Variants in CNKSR1 observed in about 807,000 individuals in gnomAD.
The protein encoded by CNKSR1 is connector enhancer of kinase suppressor of Ras 1.
CNKSR1 carries 88 observed loss-of-function variants against 95.6 expected under a neutral mutation model. The observed-to-expected ratio is 0.92, with a 90% CI of 0.78 to 1.10. The LOEUF (loss-of-function observed/expected upper bound fraction) is 1.10. Among genes scored for constraint, CNKSR1 ranks in the 50% least tolerant of loss-of-function variants. The probability of loss-of-function intolerance (pLI) is 0.00; values close to 1 mark genes in which losing one functional copy is unlikely to be tolerated. For synonymous variants in CNKSR1, 355 were observed against 369.7 expected, an observed-to-expected ratio of 0.96 and a Z score of 0.46; for missense variants, 836 against 912.0, an observed-to-expected ratio of 0.92 and a Z score of 1.07.
intron 3 of CNKSR1, chr1:26,181,547 A>G (rs148010498): frequency 3.2e-6 from 1 of 313,190 alleles, no homozygotes; most frequent in East Asian, 7.6e-5. Flanking sequence ...AATAAATAAT[A>G]ACTTATTATA....
chr1:26,182,766 G>A (rs908571182), intron 6 of CNKSR1, among the ~76,000 whole-genome samples, 182 bp downstream of exon 6: 5 of 152,210 alleles, frequency 3.3e-5, no homozygotes, highest in African/African-American at 1.2e-4. Flanking sequence ...CACCTCCCCA[G>A]TCCTGAGGGG....
intron 8 of CNKSR1, 141 bp from the exon 9 acceptor site, chr1:26,183,588 C>A: frequency 1.0e-6 from 1 of 996,080 alleles, no homozygotes; most frequent in Non-Finnish European, 1.6e-6. Flanking sequence ...TGATGGGGCC[C>A]ATGGAAGCCC....
rs565213360 is a variant in CNKSR1 at position 26,183,780 on chromosome 1, G to C, written c.805G>C (p.Gly269Arg). Reference protein sequence around the residue: ...MVRELLREPAGLSLVLKKIPI... With the variant: ...MVRELLREPARLSLVLKKIPI... Reference sequence around the variant, plus strand: ...GAGGGAACTGCTGCGGGAGCCAGCCGGACTCAGCTTAGTGCTGAAGAAGAT... The same window carrying C: ...GAGGGAACTGCTGCGGGAGCCAGCCCGACTCAGCTTAGTGCTGAAGAAGAT... The change falls in exon 9 of 21, where the codon GGA (glycine) becomes CGA (arginine). Residue 269 changes from glycine to arginine, a missense_variant. Physicochemically the swap from Gly to Arg is moderately radical, Grantham distance 125. Coordinates refer to ENST00000361530, the MANE Select transcript of CNKSR1 (RefSeq NM_006314.3). The C allele has an allele frequency of 6.2e-7, 1 of 1,613,576 alleles. No individual in the cohort carries two copies. The highest frequency in any genetic ancestry group is 8.5e-7 in the Non-Finnish European group (1 of 1,179,744).
intron 1 of CNKSR1, 63 bp downstream of exon 1, chr1:26,177,662 C>T (rs1035945891): frequency 3.2e-5 from 51 of 1,587,706 alleles, no homozygotes; most frequent in Non-Finnish European, 4.0e-5. Flanking sequence ...CACCGGGAAG[C>T]GGGAGGAGAG....
At chr1:26,188,346 C>A (rs1411910533) in intron 17 of CNKSR1, 39 bp downstream of exon 17, 2 of 1,612,186 alleles carry the variant, frequency 1.2e-6, no homozygotes, top group Non-Finnish European at 8.5e-7. Flanking sequence ...GAACCCTCAC[C>A]TGAGCCTGTG....
chr1:26,188,982 G>A, intron 20 of CNKSR1, 29 bp downstream of exon 20: 1 of 1,609,474 alleles, frequency 6.2e-7, no homozygotes, highest in South Asian at 1.1e-5. Flanking sequence ...GGCACAGCAA[G>A]GGACTAGGCT....
At chr1:26,185,960 T>G (rs1013311357) in intron 14 of CNKSR1, among the ~76,000 whole-genome samples, 2 of 152,208 alleles carry the variant, frequency 1.3e-5, no homozygotes, top group Non-Finnish European at 2.9e-5. Context: ...AGCTCTAGGC[T>G]GGGCACTATG....
intron 4 of CNKSR1, 170 bp downstream of exon 4, chr1:26,182,111 T>TAG: frequency 1.3e-6 from 1 of 764,514 alleles, no homozygotes; most frequent in Non-Finnish European, 2.2e-6. Context: ...TGGGGTCCCC[T>TAG]AGCTGGCAGG....
chr1:26,187,603 TACTC>T (rs977695103), intron 16 of CNKSR1, 121 bp downstream of exon 16: 3 of 850,236 alleles, frequency 3.5e-6, no homozygotes, highest in Non-Finnish European at 5.8e-6. Flanking sequence ...TTGGTCAAGA[TACTC>T]ACTTCTCTTT....
chr1:26,177,498 G>A lies in CNKSR1; in HGVS notation c.-50G>A, dbSNP rs199971673. 3.2e-5 allele frequency: 51 copies of A among 1,610,812 alleles called. No homozygotes were observed. Among genetic ancestry groups the A allele is most frequent in the Admixed American group, 1.5e-4 (9 of 59,658 alleles). ...CCTGGGCTCTGGGAGCGGAAATTCC[G>A]GCGACAGCAGGGCAAAACAGGAGCT... is the stretch of plus-strand genomic sequence containing the variant. On this transcript the variant is annotated 5_prime_UTR_variant, in exon 1 of 21. Coordinates refer to ENST00000361530, the MANE Select transcript of CNKSR1 (RefSeq NM_006314.3).
chr1:26,187,824 T>C (rs2088782358), intron 16 of CNKSR1, among the ~76,000 whole-genome samples: 1 of 152,020 alleles, frequency 6.6e-6, no homozygotes, highest in Non-Finnish European at 1.5e-5. Flanking sequence ...GGTTTCACTA[T>C]GTTGGCCAGG....
chr1:26,184,139 C>T lies in CNKSR1; in HGVS notation c.924C>T (p.Pro308=). ...SPSLSLAPLS[P]RAPSEDVFAF... is the part of the protein sequence containing the mutation. ...CACTGTCTCTGGCCCCACTGTCTCC[C>T]AGGTAACAGGCTCTGTCCAGGTGTG... Residue 308 remains proline (P), a splice_region_variant and synonymous_variant, in exon 10 of 21, where the codon CCC becomes CCT. Coordinates refer to ENST00000361530, the MANE Select transcript of CNKSR1 (RefSeq NM_006314.3). The T allele has an allele frequency of 6.2e-7, 1 of 1,612,896 alleles. No individual in the cohort carries two copies. The highest frequency in any genetic ancestry group is 8.5e-7 in the Non-Finnish European group (1 of 1,179,688).
At chr1:26,183,681 T>C (rs2124511140) in intron 8 of CNKSR1, 48 bp from the exon 9 acceptor site, 1 of 1,390,712 alleles carries the variant, frequency 7.2e-7, no homozygotes, top group Non-Finnish European at 1.0e-6. Flanking sequence ...GTGGTTGCTT[T>C]AGAGCCTCCT....
At chr1:26,181,403 A>C (rs568776162) in intron 3 of CNKSR1, among the ~76,000 whole-genome samples, 1 of 151,506 alleles carries the variant, frequency 6.6e-6, no homozygotes, top group African/African-American at 2.4e-5. Context: ...AATCGATCTC[A>C]TCAACAACCA....
intron 1 of CNKSR1, among the ~76,000 whole-genome samples, chr1:26,178,430 G>T (rs1221658910): frequency 6.6e-6 from 1 of 152,208 alleles, no homozygotes; most frequent in African/African-American, 2.4e-5. Flanking sequence ...TATCCAAGGG[G>T]CAAGGTGCTG....
chr1:26,183,788 C>A lies in CNKSR1; in HGVS notation c.813C>A (p.Ser271Arg). ...TGCTGCGGGAGCCAGCCGGACTCAG[C>A]TTAGTGCTGAAGAAGATCCCGATAC... ...RELLREPAGL[S>R]LVLKKIPIPE... The change falls in exon 9 of 21, where the codon AGC (serine) becomes AGA (arginine). Residue 271 changes from serine to arginine, a missense_variant. Transcript: ENST00000361530. 1 of 1,613,508 alleles carries A rather than the reference C, an allele frequency of 6.2e-7. No homozygotes were observed. Among genetic ancestry groups the A allele is most frequent in the Non-Finnish European group, 8.5e-7 (1 of 1,179,696 alleles).
At chr1:26,188,195 G>A in intron 16 of CNKSR1, 39 bp from the exon 17 acceptor site, 1 of 1,585,138 alleles carries the variant, frequency 6.3e-7, no homozygotes, top group Non-Finnish European at 8.7e-7. Flanking sequence ...GAGGGCCCCA[G>A]TGGATGGAAA....
chr1:26,186,741 T>G (rs2088758144), intron 14 of CNKSR1, among the ~76,000 whole-genome samples: 2 of 152,158 alleles, frequency 1.3e-5, no homozygotes, highest in Non-Finnish European at 2.9e-5. Context: ...CCCAAAGTGC[T>G]GGGATTACAG....
chr1:26,184,163 T>G, intron 10 of CNKSR1, 22 bp downstream of exon 10: 1 of 1,612,344 alleles, frequency 6.2e-7, no homozygotes, highest in Non-Finnish European at 8.5e-7. Context: ...TGTCCAGGTG[T>G]GTCTTGGTGG....
Sources: allele counts gnomAD v4.1 joint callset (sites outside exome capture counted in the v4.1 genomes callset), GRCh38; gene constraint gnomAD v4.1.1; transcripts MANE v1.5; gene names NCBI Gene and HGNC (gene_info 2026-07-23, HGNC 2026-07-21).